The following ASIC2 variants were observed in gnomAD, a reference collection of about 807,000 sequenced individuals.
ASIC2 encodes the protein acid sensing ion channel subunit 2.
In ASIC2, 25 loss-of-function variants were observed where a neutral mutation model predicts 57.3. The ratio of observed to expected loss-of-function variants is 0.44; its 90% CI spans 0.32 to 0.61. The LOEUF is 0.61. Among genes scored for constraint, ASIC2 ranks in the 20% least tolerant of loss-of-function variants. ASIC2 has a pLI of 0.06. For synonymous variants in ASIC2, 319 were observed against 307.5 expected (o/e 1.04, Z -0.39); for missense variants, 641 against 738.1 (o/e 0.87, Z 1.52).
chr17:33,578,449 C>T (rs1194826313), intron 1 of ASIC2, among the ~76,000 whole-genome samples: 1 of 152,066 alleles, frequency 6.6e-6, no homozygotes, highest in Admixed American at 6.5e-5. Context: ...GTCATTTACA[C>T]CTTAGTATGA....
intron 1 of ASIC2, among the ~76,000 whole-genome samples, chr17:33,666,551 T>C (rs983193119): frequency 6.6e-6 from 1 of 152,158 alleles, no homozygotes; most frequent in African/African-American, 2.4e-5. Context: ...ATCATCCCAT[T>C]ATCAGAACTG....
At chr17:33,242,493 A>T (rs1597647441) in intron 1 of ASIC2, among the ~76,000 whole-genome samples, 1 of 152,082 alleles carries the variant, frequency 6.6e-6, no homozygotes, top group Admixed American at 6.6e-5. Context: ...CCCATTTCAC[A>T]GATAAAGAAA....
rs539090739 is a variant in ASIC2, at chr17:33,500,928, A to G, written c.556-388861T>C. ...AATGTGTTTATAGCGTCCCGCTACA[A>G]CTCTCTCTGATATTACCACGTCTAC... is the stretch of plus-strand genomic sequence containing the variant. On this transcript the variant is annotated intron_variant, in intron 1 of 9. Transcript: ENST00000359872. 2.6e-5 allele frequency among the ~76,000 whole-genome samples: 4 copies of G among 152,228 alleles called. No individual in the cohort carries two copies. In the East Asian group the frequency reaches 5.8e-4, roughly 22 times the overall value.
chr17:33,558,409 C>A (rs1324834094), intron 1 of ASIC2, among the ~76,000 whole-genome samples: 1 of 152,120 alleles, frequency 6.6e-6, no homozygotes, highest in Non-Finnish European at 1.5e-5. Flanking sequence ...TGGCTGATGA[C>A]CTTGAACTTT....
intron 1 of ASIC2, among the ~76,000 whole-genome samples, chr17:33,774,097 G>A (rs191553962): frequency 2.0e-5 from 3 of 152,266 alleles, no homozygotes; most frequent in Non-Finnish European, 4.4e-5. Context: ...TAAGTGGCAT[G>A]GGCAAGATAA....
chr17:33,126,169 G>A (rs539496132), intron 1 of ASIC2, among the ~76,000 whole-genome samples: 4 of 152,340 alleles, frequency 2.6e-5, no homozygotes, highest in African/African-American at 9.6e-5. Context: ...TGAGTTACTT[G>A]CAGAGGCATC....
intron 1 of ASIC2, among the ~76,000 whole-genome samples, chr17:33,968,663 G>A (rs766618929): frequency 1.4e-4 from 21 of 152,218 alleles, no homozygotes; most frequent in Non-Finnish European, 2.2e-4. Context: ...CTTCAGCTCC[G>A]TTGGGCTTCT....
chr17:34,094,821 G>A (rs1258471364), intron 1 of ASIC2, among the ~76,000 whole-genome samples: 1 of 152,180 alleles, frequency 6.6e-6, no homozygotes, highest in Non-Finnish European at 1.5e-5. Context: ...TGCATGCAAA[G>A]CACTGTTCTT....
At chr17:33,821,339 G>C (rs978065478) in intron 1 of ASIC2, among the ~76,000 whole-genome samples, 1 of 152,140 alleles carries the variant, frequency 6.6e-6, no homozygotes, top group Non-Finnish European at 1.5e-5. Context: ...TTTCCTTCGA[G>C]CTCTAGGGAA....
At chr17:33,392,561 G>A (rs972647653) in intron 1 of ASIC2, among the ~76,000 whole-genome samples, 5 of 151,866 alleles carry the variant, frequency 3.3e-5, no homozygotes, top group Non-Finnish European at 5.9e-5. Context: ...CACTGCACCC[G>A]GCCCCTTATC....
intron 1 of ASIC2, among the ~76,000 whole-genome samples, chr17:33,335,932 G>A (rs148811741): frequency 1.6e-4 from 24 of 152,306 alleles, no homozygotes; most frequent in African/African-American, 5.5e-4. Flanking sequence ...GGATTAAGCA[G>A]CAGAATCTCC....
intron 1 of ASIC2, among the ~76,000 whole-genome samples, chr17:34,132,427 C>T (rs1407395350): frequency 6.6e-6 from 1 of 152,134 alleles, no homozygotes; most frequent in Non-Finnish European, 1.5e-5. Context: ...TGGAGGCCAG[C>T]TTTTATTCCC....
chr17:33,419,328 A>G (rs1910967496), intron 1 of ASIC2, among the ~76,000 whole-genome samples: 1 of 152,226 alleles, frequency 6.6e-6, no homozygotes. Flanking sequence ...GTGTTTAAAG[A>G]AATAATGTCA....
At chr17:33,712,882 T>C (rs1488143494) in intron 1 of ASIC2, among the ~76,000 whole-genome samples, 1 of 151,928 alleles carries the variant, frequency 6.6e-6, no homozygotes, top group African/African-American at 2.4e-5. Context: ...CCTGACCTCG[T>C]GATCCGCCCG....
At chr17:33,148,344 C>T (rs908860436) in intron 1 of ASIC2, among the ~76,000 whole-genome samples, 1 of 152,192 alleles carries the variant, frequency 6.6e-6, no homozygotes, top group African/African-American at 2.4e-5. Context: ...TGCCCAAGGT[C>T]ACACAGGAAG....
chr17:33,667,421 CAT>C (rs1203906501), intron 1 of ASIC2, among the ~76,000 whole-genome samples: 1 of 152,210 alleles, frequency 6.6e-6, no homozygotes, highest in Non-Finnish European at 1.5e-5. Context: ...TAACCTTATA[CAT>C]ATGTTTCTCT....
intron 1 of ASIC2, among the ~76,000 whole-genome samples, chr17:33,414,104 G>T (rs1440746426): frequency 4.6e-5 from 7 of 152,086 alleles, no homozygotes; most frequent in African/African-American, 1.7e-4. Flanking sequence ...GCCTACTCTT[G>T]TCCCACCCCT....
intron 1 of ASIC2, among the ~76,000 whole-genome samples, chr17:33,493,759 C>T (rs907570158): frequency 4.6e-5 from 7 of 152,136 alleles, no homozygotes; most frequent in Admixed American, 3.3e-4. Flanking sequence ...CTCTCCCCTC[C>T]CTCCACCCTG....
chr17:33,472,323 C>T (rs1241431938), intron 1 of ASIC2, among the ~76,000 whole-genome samples: 1 of 152,106 alleles, frequency 6.6e-6, no homozygotes, highest in Non-Finnish European at 1.5e-5. Flanking sequence ...CCTGACCACA[C>T]CAGGGACTTT....
Sources: gnomAD v4.1 joint callset for allele counts (sites outside exome capture counted in the v4.1 genomes callset) on GRCh38, gnomAD v4.1.1 for gene constraint, MANE v1.5 for transcripts, NCBI Gene and HGNC (gene_info 2026-07-23, HGNC 2026-07-21) for gene names.